The following GPHN variants were observed in gnomAD, a reference collection of about 807,000 sequenced individuals.
GPHN encodes gephyrin.
Under a neutral mutation model 95.5 loss-of-function variants are expected in GPHN, and 17 were observed. The observed-to-expected ratio is 0.18, with a 90% confidence interval of 0.12 to 0.27. GPHN has a LOEUF of 0.27. Among genes scored for constraint, GPHN ranks in the 10% least tolerant of loss-of-function variants. GPHN has a pLI of 1.00. For synonymous variants in GPHN, 320 were observed against 322.5 expected (o/e 0.99, Z 0.08); for missense variants, 660 against 978.1 (o/e 0.67, Z 4.34).
rs2082082949 is a variant in GPHN, at chr14:67,163,514, C to T, written c.1911-1648C>T. On this transcript the variant is annotated intron_variant, in intron 19 of 22. Coordinates refer to ENST00000478722, the MANE Select transcript of GPHN (RefSeq NM_020806.5). The stretch of plus-strand genomic sequence containing the variant: ...AAAACAGAAACAAGAACTATAGAAA[C>T]ATAGCAATGTGGGGTTATGGTTTAT... Among the ~76,000 whole-genome samples, 4 of 151,596 alleles carry T rather than the reference C, an allele frequency of 2.6e-5. No homozygotes were observed. The South Asian group carries it at 8.3e-4, about 32-fold the overall frequency.
At chr14:67,197,596 T>G in the GPHN span, among the ~76,000 whole-genome samples, 4 of 151,988 alleles carry the variant, frequency 2.6e-5, no homozygotes, top group African/African-American at 9.7e-5. Flanking sequence ...CGACTTAGAG[T>G]CTCATAAGGA....
chr14:67,644,204 T>C, the GPHN span, among the ~76,000 whole-genome samples: 2 of 152,202 alleles, frequency 1.3e-5, no homozygotes, highest in African/African-American at 4.8e-5. Flanking sequence ...TGAATAGCTG[T>C]TGAACATTTT....
At position 66,909,301 on chromosome 14, in the gene GPHN, G is replaced by A. The variant is rs143276589; in HGVS notation, c.390-6702G>A. Among the ~76,000 whole-genome samples the A allele has an allele frequency of 3.2e-3, 487 of 152,078 alleles. 11 individuals carry two copies. The highest frequency in any genetic ancestry group is 0.011 in the African/African-American group (448 of 41,524). ...AAATTGTTCCTGAGTGTAGTAAAAC[G>A]TAAACATTTCTCAATTCATGTTATG... On this transcript the variant is annotated intron_variant, in intron 5 of 22. Transcript: ENST00000478722.
chr14:67,339,645 T>A, the GPHN span, among the ~76,000 whole-genome samples: 1 of 152,236 alleles, frequency 6.6e-6, no homozygotes, highest in Admixed American at 6.5e-5. Context: ...GTGCTAATTC[T>A]CTAATGGCGT....
At chr14:67,341,144 G>A in the GPHN span, among the ~76,000 whole-genome samples, 3 of 152,122 alleles carry the variant, frequency 2.0e-5, no homozygotes, top group Non-Finnish European at 4.4e-5. Flanking sequence ...CATCGTCTGG[G>A]ATGTGAGGAG....
At chr14:67,212,385 C>G in the GPHN span, among the ~76,000 whole-genome samples, 3 of 151,470 alleles carry the variant, frequency 2.0e-5, no homozygotes, top group African/African-American at 7.3e-5. Context: ...CCAAGGAGTT[C>G]GAGACCAGCC....
intron 8 of GPHN, among the ~76,000 whole-genome samples, chr14:66,936,305 G>A (rs913495951): frequency 4.6e-5 from 7 of 152,032 alleles, no homozygotes; most frequent in Admixed American, 6.6e-5. Flanking sequence ...CTTAAACCCC[G>A]GAGGCAGAGG....
intron 10 of GPHN, among the ~76,000 whole-genome samples, chr14:67,051,153 G>A (rs974817615): frequency 4.3e-5 from 6 of 140,794 alleles, no homozygotes; most frequent in South Asian, 4.6e-4. Flanking sequence ...CTCCCAGTGG[G>A]AGGAGTGGCT....
At chr14:67,642,793 C>CTTTTTTTTTTTTTTTTTTTTTTTTTTT in the GPHN span, among the ~76,000 whole-genome samples, 4 of 75,518 alleles carry the variant, frequency 5.3e-5, 1 homozygote, top group African/African-American at 1.1e-4. Flanking sequence ...ACTACATTTT[C>CTTTTTTTTTTTTTTTTTTTTTTTTTTT]TTTTTTTTTT....
At chr14:67,394,985 C>T in the GPHN span, among the ~76,000 whole-genome samples, 23,286 of 152,108 alleles carry the variant, frequency 0.15, 3,392 homozygotes, top group East Asian at 0.42. Flanking sequence ...TGCAGCCCCT[C>T]AACCTTGGAC....
At chr14:66,955,163 A>G (rs1010709612) in intron 8 of GPHN, among the ~76,000 whole-genome samples, 6 of 152,184 alleles carry the variant, frequency 3.9e-5, no homozygotes, top group Non-Finnish European at 7.3e-5. Context: ...ATTTTGTAGA[A>G]GAGTTGGTAA....
At chr14:67,718,000 T>A in the GPHN span, 1 of 152,198 alleles carries the variant, frequency 6.6e-6, no homozygotes, top group Non-Finnish European at 1.5e-5. Context: ...CAAAAATTCT[T>A]TTTCTTTGAG....
the GPHN span, among the ~76,000 whole-genome samples, chr14:67,207,743 A>G: frequency 1.6e-3 from 240 of 152,214 alleles, no homozygotes; most frequent in African/African-American, 5.5e-3. Context: ...GGGATTTTAG[A>G]GTATTAAGTT....
Position 66,763,723 on chromosome 14 carries a change from C to T in GPHN, c.144-12741C>T, listed in dbSNP as rs528949314. ...TGATTTCAAGCAGGGTTCCCCAAACCCTGGGCCATTGAACAGTAGTGGTCC... is the reference window on the plus strand; with the variant it reads ...TGATTTCAAGCAGGGTTCCCCAAACTCTGGGCCATTGAACAGTAGTGGTCC... On this transcript the variant is annotated intron_variant, in intron 2 of 22. Transcript: ENST00000478722. Among the ~76,000 whole-genome samples, 17 of 152,012 alleles carry T rather than the reference C, an allele frequency of 1.1e-4. No homozygotes were observed. In the South Asian group the frequency reaches 3.1e-3, roughly 28 times the overall value.
chr14:67,578,240 G>T, the GPHN span: 1 of 1,571,980 alleles, frequency 6.4e-7, no homozygotes, highest in South Asian at 1.1e-5. The surrounding 1 kb of genome is among the most constrained non-coding windows in gnomAD (Gnocchi z 5.0). Context: ...GAAGCCATTG[G>T]CAAGGGCTGC....
intron 4 of GPHN, among the ~76,000 whole-genome samples, chr14:66,845,291 A>T (rs1328114282): frequency 6.6e-6 from 1 of 152,222 alleles, no homozygotes; most frequent in Non-Finnish European, 1.5e-5. Flanking sequence ...CAAAGAGATC[A>T]GGGAAACCAC....
chr14:67,208,128 G>A, the GPHN span: 8 of 1,573,358 alleles, frequency 5.1e-6, no homozygotes, highest in Middle Eastern at 2.2e-4. Flanking sequence ...GCCTGTATTC[G>A]ATACTGTTCC....
the GPHN span, among the ~76,000 whole-genome samples, chr14:67,188,373 A>G: frequency 6.6e-6 from 1 of 152,210 alleles, no homozygotes; most frequent in Non-Finnish European, 1.5e-5. Flanking sequence ...ATGTATCAGT[A>G]GCCTCAAAAA....
chr14:67,080,637 G>A (rs2076658598), intron 11 of GPHN, among the ~76,000 whole-genome samples: 1 of 151,850 alleles, frequency 6.6e-6, no homozygotes, highest in Non-Finnish European at 1.5e-5. Context: ...AGGTTATTAG[G>A]GAACAGGTGG....
Sources: allele counts gnomAD v4.1 joint callset (sites outside exome capture counted in the v4.1 genomes callset), GRCh38; gene constraint gnomAD v4.1.1; non-coding constraint Gnocchi (gnomAD v3.1); transcripts MANE v1.5; gene names NCBI Gene and HGNC (gene_info 2026-07-23, HGNC 2026-07-21).